The following FMN1 variants were observed in gnomAD, a reference collection of about 807,000 sequenced individuals.
FMN1 encodes the protein formin-1.
FMN1 carries 110 observed loss-of-function variants against 132.4 expected under a neutral mutation model. The ratio of observed to expected loss-of-function variants is 0.83; its 90% CI spans 0.71 to 0.97. FMN1 has a LOEUF of 0.97. Among genes scored for constraint, FMN1 ranks in the 50% least tolerant of loss-of-function variants. FMN1 has a pLI of 0.00. For missense variants in FMN1, 1,792 were observed against 1,705.3 expected, an observed-to-expected ratio of 1.05 and a Z score of -0.90; for synonymous variants, 722 against 651.7, an observed-to-expected ratio of 1.11 and a Z score of -1.64.
chr15:32,982,100 A>C (rs1596393161), intron 7 of FMN1, among the ~76,000 whole-genome samples: 1 of 152,360 alleles, frequency 6.6e-6, no homozygotes, highest in East Asian at 1.9e-4. Flanking sequence ...TAATCTACCA[A>C]GAGAGATATA....
At chr15:33,032,669 C>A (rs183076323) in intron 6 of FMN1, among the ~76,000 whole-genome samples, 11 of 152,288 alleles carry the variant, frequency 7.2e-5, no homozygotes, top group African/African-American at 2.6e-4. Context: ...ATGAGCATAA[C>A]CCTCGGTTCC....
At chr15:32,901,859 C>T (rs932760020) in intron 13 of FMN1, 52 bp downstream of exon 13, 1 of 1,518,754 alleles carries the variant, frequency 6.6e-7, no homozygotes. Context: ...CTCCCACTTT[C>T]TTCTTTACTC....
chr15:33,014,179 C>T (rs1484479958), intron 6 of FMN1, among the ~76,000 whole-genome samples: 1 of 152,172 alleles, frequency 6.6e-6, no homozygotes, highest in Non-Finnish European at 1.5e-5. Flanking sequence ...TGAGAGTTCA[C>T]AAGAGAGTAG....
chr15:32,790,579 G>A (rs1340021456), intron 19 of FMN1, among the ~76,000 whole-genome samples: 1 of 152,210 alleles, frequency 6.6e-6, no homozygotes, highest in African/African-American at 2.4e-5. Context: ...ACCTCCAGGT[G>A]ACTTGGGAGA....
At chr15:32,929,974 T>A (rs957127365) in intron 9 of FMN1, among the ~76,000 whole-genome samples, 8 of 143,536 alleles carry the variant, frequency 5.6e-5, no homozygotes, top group East Asian at 2.0e-4. Context: ...GGTAGTTCTA[T>A]TTTTAAATTT....
intron 6 of FMN1, among the ~76,000 whole-genome samples, chr15:33,055,087 C>A (rs899872591): frequency 3.3e-5 from 5 of 152,006 alleles, no homozygotes; most frequent in African/African-American, 1.2e-4. Context: ...CTCATTATAC[C>A]CCTGCAGCAT....
At chr15:32,867,290 A>C (rs947527307) in intron 16 of FMN1, among the ~76,000 whole-genome samples, 16 of 152,286 alleles carry the variant, frequency 1.1e-4, no homozygotes, top group African/African-American at 3.8e-4. Context: ...TCAATCCCTC[A>C]AGCTGGCCTG....
At chr15:33,098,665 G>C (rs1265482335) in intron 4 of FMN1, among the ~76,000 whole-genome samples, 1 of 152,202 alleles carries the variant, frequency 6.6e-6, no homozygotes, top group African/African-American at 2.4e-5. Flanking sequence ...CAGCGGAGGA[G>C]AATTTCTAAC....
chr15:33,027,328 T>C (rs2035725789), intron 6 of FMN1, among the ~76,000 whole-genome samples: 1 of 152,196 alleles, frequency 6.6e-6, no homozygotes, highest in African/African-American at 2.4e-5. Context: ...TAATAACAGA[T>C]AATTTTTTAG....
Position 33,023,068 on chromosome 15 carries a change from A to AAG in FMN1, c.2162-14994_2162-14993insCT, listed in dbSNP as rs1555383600. ...ATCCCCCTCCCCCACCCAAAAAAAAAAAAAAAAAAGAAAAAAAAGACCAAA... is the reference window on the plus strand; with the variant it reads ...ATCCCCCTCCCCCACCCAAAAAAAAAAGAAAAAAAAAGAAAAAAAAGACCAAA... On this transcript the variant is annotated intron_variant, in intron 6 of 20. Transcript: ENST00000616417. Among the ~76,000 whole-genome samples the AAG allele has an allele frequency of 4.6e-5, 4 of 86,100 alleles. No homozygotes were observed. The South Asian group carries it at 9.6e-4, about 21-fold the overall frequency. 56.5% of individuals were successfully genotyped at this position (86,100 alleles called of 152,430 possible).
At chr15:32,919,146 A>C (rs1355823737) in intron 10 of FMN1, among the ~76,000 whole-genome samples, 1 of 148,392 alleles carries the variant, frequency 6.7e-6, no homozygotes. Flanking sequence ...TTTGCTTTCA[A>C]CATATTGTGA....
chr15:33,134,365 G>C (rs1963673321), intron 4 of FMN1, among the ~76,000 whole-genome samples: 1 of 152,194 alleles, frequency 6.6e-6, no homozygotes, highest in South Asian at 2.1e-4. Flanking sequence ...AGTTGTGGGG[G>C]AGGATGCTGA....
At chr15:32,921,404 T>C (rs982312453) in intron 10 of FMN1, among the ~76,000 whole-genome samples, 4 of 152,110 alleles carry the variant, frequency 2.6e-5, no homozygotes, top group African/African-American at 9.7e-5. Flanking sequence ...TGGGACAAAG[T>C]GAAATAAGAG....
intron 4 of FMN1, among the ~76,000 whole-genome samples, chr15:33,122,525 G>A (rs369114950): frequency 2.0e-5 from 3 of 152,186 alleles, no homozygotes; most frequent in Non-Finnish European, 4.4e-5. Context: ...GATGTCCCAA[G>A]TATTTAAAAT....
At chr15:33,127,433 A>T (rs1305208904) in intron 4 of FMN1, among the ~76,000 whole-genome samples, 7 of 152,224 alleles carry the variant, frequency 4.6e-5, no homozygotes, top group Non-Finnish European at 1.0e-4. Context: ...CCTTGAGTTA[A>T]TGAGTGAACC....
At chr15:33,107,486 C>T (rs138148016) in intron 4 of FMN1, among the ~76,000 whole-genome samples, 1 of 152,158 alleles carries the variant, frequency 6.6e-6, no homozygotes, top group East Asian at 1.9e-4. Flanking sequence ...CACTTTCTCC[C>T]CATCTCCTAA....
At chr15:32,929,968 G>A (rs1355144829) in intron 9 of FMN1, among the ~76,000 whole-genome samples, 1 of 142,142 alleles carries the variant, frequency 7.0e-6, no homozygotes, top group South Asian at 2.3e-4. Flanking sequence ...TCATATGGTA[G>A]TTCTATTTTT....
At position 33,153,713 on chromosome 15, in the gene FMN1, C is replaced by T. The variant is rs1566955637; in HGVS notation, c.1202G>A (p.Gly401Glu). 6.5e-7 allele frequency: 1 copy of T among 1,536,330 alleles called. No individual in the cohort carries two copies. Among genetic ancestry groups the T allele is most frequent in the Non-Finnish European group, 8.7e-7 (1 of 1,146,952 alleles). The change falls in exon 4 of 21, where the codon GGG (glycine) becomes GAG (glutamate). Residue 401 changes from glycine to glutamate, a missense_variant. Around this residue, in one of 3 missense-constraint regions of FMN1, gnomAD observed 638 missense variants for 645.2 expected, o/e 0.99. Transcript: ENST00000616417. ...QGDRSSQSPA[G>E]ETASISSVSA... Reference sequence around the variant, plus strand: ...CACACTAGAAATGGAGGCTGTTTCCCCGGCTGGCGACTGCGATGACCTATC... The same window carrying T: ...CACACTAGAAATGGAGGCTGTTTCCTCGGCTGGCGACTGCGATGACCTATC...
chr15:32,786,357 C>T (rs2056877750), intron 19 of FMN1, among the ~76,000 whole-genome samples: 1 of 152,128 alleles, frequency 6.6e-6, no homozygotes, highest in African/African-American at 2.4e-5. Context: ...CTGTAGATCA[C>T]ACCTGTAAAA....
Sources: gnomAD v4.1 joint callset for allele counts (sites outside exome capture counted in the v4.1 genomes callset) on GRCh38, gnomAD v4.1.1 for gene constraint, gnomAD v4.1.1 regional missense constraint, MANE v1.5 for transcripts, NCBI Gene and HGNC (gene_info 2026-07-23, HGNC 2026-07-21) for gene names.